Variants in RPL26L1 observed in about 807,000 individuals in gnomAD.
The protein encoded by RPL26L1 is ribosomal protein L26 like 1.
RPL26L1 carries 8 observed loss-of-function variants against 15.2 expected under a neutral mutation model. That is an observed-to-expected ratio of 0.53 (90% confidence interval 0.31 to 0.95). The LOEUF (loss-of-function observed/expected upper bound fraction) is 0.95. RPL26L1 is among the 40% of genes least tolerant of loss of function. The probability of loss-of-function intolerance (pLI) is 0.05; values close to 1 mark genes in which losing one functional copy is unlikely to be tolerated. For synonymous variants in RPL26L1, 51 were observed against 65.9 expected, an observed-to-expected ratio of 0.77 and a Z score of 1.09; for missense variants, 146 against 190.9, an observed-to-expected ratio of 0.76 and a Z score of 1.39.
chr5:172,959,421 C>G (rs955159986), upstream of RPL26L1: 55 of 998,234 alleles, frequency 5.5e-5, no homozygotes, highest in Middle Eastern at 1.5e-3. Context: ...GGCACGGAAA[C>G]TCACTTCCGG....
chr5:172,966,609 G>T (rs1029182254), intron 2 of RPL26L1, among the ~76,000 whole-genome samples: 1 of 141,852 alleles, frequency 7.0e-6, no homozygotes, highest in Non-Finnish European at 1.5e-5. Context: ...TAAAAAAAGT[G>T]TGTATGTGTG....
chr5:172,961,781 C>T (rs1160008277), intron 2 of RPL26L1, among the ~76,000 whole-genome samples: 8 of 152,216 alleles, frequency 5.3e-5, no homozygotes, highest in African/African-American at 9.7e-5. Flanking sequence ...GTGCTAACAA[C>T]TCCCTCTTTT....
intron 2 of RPL26L1, among the ~76,000 whole-genome samples, chr5:172,962,741 G>T (rs958756540): frequency 6.7e-6 from 1 of 149,668 alleles, no homozygotes; most frequent in Non-Finnish European, 1.5e-5. Flanking sequence ...GCGTGAACCC[G>T]GGAGGGGGAG....
Position 172,959,880 on chromosome 5 carries a change from T to G in RPL26L1, c.7T>G (p.Phe3Val), listed in dbSNP as rs369745759. MK[F>V]NPFVTSDRSK... ...CCCTTTGTAGAGGGTCACCATGAAGTTCAATCCCTTCGTTACCTCGGACCG... is the reference window on the plus strand; with the variant it reads ...CCCTTTGTAGAGGGTCACCATGAAGGTCAATCCCTTCGTTACCTCGGACCG... Residue 3 changes from phenylalanine (F) to valine (V), a missense_variant, in exon 2 of 4, where the codon TTC (phenylalanine) becomes GTC (valine). Transcript: ENST00000265100. The G allele has an allele frequency of 2.8e-5, 45 of 1,613,908 alleles. No individual in the cohort carries two copies. The African/African-American group carries it at 4.9e-4, about 18-fold the overall frequency.
intron 2 of RPL26L1, 91 bp downstream of exon 2, chr5:172,960,132 T>C: frequency 6.8e-7 from 1 of 1,475,780 alleles, no homozygotes; most frequent in South Asian, 1.1e-5. Context: ...GCCTCAGGAC[T>C]CTGGAAAGTA....
intron 1 of RPL26L1, 113 bp downstream of exon 1, chr5:172,959,581 G>A: frequency 8.3e-7 from 1 of 1,204,404 alleles, no homozygotes; most frequent in East Asian, 4.9e-5. Context: ...GTGACCTCCC[G>A]ACCACCCATT....
chr5:172,968,417 C>T (rs1411199375), intron 2 of RPL26L1, 42 bp from the exon 3 acceptor site: 11 of 1,604,192 alleles, frequency 6.9e-6, no homozygotes, highest in Admixed American at 3.4e-5. Flanking sequence ...TATGATCATG[C>T]ACTACAAATG....
At chr5:172,967,013 G>A (rs1000466681) in intron 2 of RPL26L1, among the ~76,000 whole-genome samples, 2 of 151,788 alleles carry the variant, frequency 1.3e-5, no homozygotes, top group African/African-American at 4.8e-5. Context: ...CCACCACCAC[G>A]CCCAGCTAAT....
intron 2 of RPL26L1, among the ~76,000 whole-genome samples, chr5:172,962,351 AC>A (rs1231746332): frequency 1.3e-5 from 2 of 152,144 alleles, no homozygotes; most frequent in Non-Finnish European, 2.9e-5. Context: ...TACTAAAAAT[AC>A]AAAAAATTAG....
rs139271401 is a variant in RPL26L1, at chr5:172,968,579, G to C, written c.289G>C (p.Val97Leu). The change falls in exon 3 of 4, where the codon GTG (valine) becomes CTG (leucine). Residue 97 changes from valine (V) to leucine (L), a missense_variant. Transcript: ENST00000265100. Reference protein sequence around the residue: ...REKANGTTVHVGIHPSKVVIT... With the variant: ...REKANGTTVHLGIHPSKVVIT... ...GAAGGCCAACGGCACAACTGTCCAC[G>C]TGGGCATTCACCCAAGCAAGGTATG... 3 of 1,614,028 alleles carry C rather than the reference G, an allele frequency of 1.9e-6. No homozygotes were observed. Among genetic ancestry groups the C allele is most frequent in the Middle Eastern group, 1.6e-4 (1 of 6,062 alleles).
chr5:172,968,429 A>AGG, intron 2 of RPL26L1, 30 bp from the exon 3 acceptor site: 1 of 1,609,612 alleles, frequency 6.2e-7, no homozygotes, highest in Non-Finnish European at 8.5e-7. Flanking sequence ...CTACAAATGG[A>AGG]GGGGGATTCT....
At chr5:172,968,423 A>G in intron 2 of RPL26L1, 36 bp from the exon 3 acceptor site, 1 of 1,608,676 alleles carries the variant, frequency 6.2e-7, no homozygotes, top group Non-Finnish European at 8.5e-7. Context: ...CATGCACTAC[A>G]AATGGAGGGG....
At chr5:172,960,375 C>G (rs1440316236) in intron 2 of RPL26L1, among the ~76,000 whole-genome samples, 1 of 152,124 alleles carries the variant, frequency 6.6e-6, no homozygotes, top group Non-Finnish European at 1.5e-5. Context: ...CCTCAGCCTC[C>G]CAAAGCACTG....
At chr5:172,968,639 G>T (rs1345064137) in intron 3 of RPL26L1, 40 bp downstream of exon 3, 1 of 1,612,564 alleles carries the variant, frequency 6.2e-7, no homozygotes, top group Non-Finnish European at 8.5e-7. Flanking sequence ...GCCATGGAGT[G>T]TGTCAATACT....
chr5:172,958,599 T>G (rs1462768416), upstream of RPL26L1: 3 of 352,870 alleles, frequency 8.5e-6, no homozygotes, highest in Non-Finnish European at 1.8e-5. Context: ...GGAGGGGGCG[T>G]GGTTGATCTC....
Position 172,969,736 on chromosome 5 carries a change from T to C in RPL26L1, c.*195T>C, listed in dbSNP as rs1755616313. The C allele has an allele frequency of 2.2e-6, 1 of 451,692 alleles. No individual in the cohort carries two copies. Among genetic ancestry groups the C allele is most frequent in the Non-Finnish European group, 4.0e-6 (1 of 250,778 alleles). 28.0% of individuals were successfully genotyped at this position (451,692 alleles called of 1,614,324 possible). A position where few individuals can be genotyped will look rare whatever the true frequency, so the allele number is the denominator to read the frequency against. Reference sequence around the variant, plus strand: ...ATGCTTCCTAATTCCACATAGTATTTGCATTGTTTTATAAATAAATTCCAC... The same window carrying C: ...ATGCTTCCTAATTCCACATAGTATTCGCATTGTTTTATAAATAAATTCCAC... On this transcript the variant is annotated 3_prime_UTR_variant, in exon 4 of 4. Coordinates refer to ENST00000265100, the MANE Select transcript of RPL26L1 (RefSeq NM_016093.4).
chr5:172,966,942 G>A (rs1470285246), intron 2 of RPL26L1, among the ~76,000 whole-genome samples: 2 of 150,072 alleles, frequency 1.3e-5, no homozygotes, highest in Non-Finnish European at 3.0e-5. Context: ...TGCAACCTCC[G>A]CCTTCCAGGT....
At chr5:172,957,103 G>T (rs1301404322), upstream of RPL26L1, 1 of 444,990 alleles carries the variant, frequency 2.2e-6, no homozygotes, top group Non-Finnish European at 4.5e-6. Flanking sequence ...GGGTGCCAGG[G>T]CTCAAGCACT....
intron 1 of RPL26L1, 162 bp downstream of exon 1, chr5:172,959,630 C>G: frequency 8.1e-7 from 1 of 1,231,918 alleles, no homozygotes; most frequent in Non-Finnish European, 1.1e-6. Flanking sequence ...GCCTCAAGGT[C>G]CCAGTGCTAC....
Sources: gnomAD v4.1 joint callset for allele counts (sites outside exome capture counted in the v4.1 genomes callset) on GRCh38, gnomAD v4.1.1 for gene constraint, MANE v1.5 for transcripts, NCBI Gene and HGNC (gene_info 2026-07-23, HGNC 2026-07-21) for gene names.